The following TCF4 variants were observed in gnomAD, a reference collection of about 807,000 sequenced individuals.
The protein encoded by TCF4 is transcription factor 4.
A neutral mutation model predicts 82.1 loss-of-function variants in TCF4; 3 were observed. The observed-to-expected ratio is 0.04, with a 90% CI of 0.02 to 0.09. The LOEUF is 0.09. TCF4 is among the 10% of genes least tolerant of loss of function. The probability of loss-of-function intolerance (pLI) is 1.00; values close to 1 mark genes in which losing one functional copy is unlikely to be tolerated. For missense variants in TCF4, 518 were observed against 852.7 expected (o/e 0.61, Z 4.89); for synonymous variants, 276 against 309.6 (o/e 0.89, Z 1.14).
intron 5 of TCF4, among the ~76,000 whole-genome samples, chr18:55,410,876 C>T (rs1352726280): frequency 6.6e-6 from 1 of 152,086 alleles, no homozygotes; most frequent in Non-Finnish European, 1.5e-5. Flanking sequence ...TACAGTCCAT[C>T]AAAAACTACC....
intron 15 of TCF4, among the ~76,000 whole-genome samples, chr18:55,238,612 T>C (rs146709364): frequency 4.6e-5 from 7 of 152,286 alleles, no homozygotes; most frequent in African/African-American, 1.7e-4. Context: ...TTATCATAAA[T>C]AGTTTTCTGT....
At position 55,634,130 on chromosome 18, in the gene TCF4, G is replaced by A. The variant is rs185902834; in HGVS notation, c.195+1573C>T. On this transcript the variant is annotated intron_variant, in intron 1 of 20. Transcript: ENST00000398339. ...CTAAAAATACAAAAATTAGCCACGCGTGGTGGCAGGGGCCTGTAATCCCAG... is the reference window on the plus strand; with the variant it reads ...CTAAAAATACAAAAATTAGCCACGCATGGTGGCAGGGGCCTGTAATCCCAG... Among the ~76,000 whole-genome samples the A allele has an allele frequency of 2.0e-3, 297 of 152,152 alleles. 1 individual carries two copies. Among genetic ancestry groups the A allele is most frequent in the African/African-American group, 6.3e-3 (261 of 41,524 alleles).
chr18:55,570,850 C>T (rs1262806235), intron 3 of TCF4, among the ~76,000 whole-genome samples: 1 of 149,764 alleles, frequency 6.7e-6, no homozygotes, highest in Non-Finnish European at 1.5e-5. Context: ...AAACTGCCCT[C>T]CAAGCCTGAG....
chr18:55,253,226 G>C (rs2055778634), intron 15 of TCF4, among the ~76,000 whole-genome samples: 1 of 152,160 alleles, frequency 6.6e-6, no homozygotes, highest in African/African-American at 2.4e-5. Flanking sequence ...CTGAAAGATG[G>C]ACAGGAGAAT....
intron 8 of TCF4, among the ~76,000 whole-genome samples, chr18:55,340,557 C>A (rs1255291008): frequency 7.3e-6 from 1 of 136,456 alleles, no homozygotes; most frequent in Non-Finnish European, 1.5e-5. Context: ...GTACTCCAAC[C>A]TAGGTGACAG....
chr18:55,534,421 G>C (rs1387503007), intron 3 of TCF4, among the ~76,000 whole-genome samples: 1 of 152,214 alleles, frequency 6.6e-6, no homozygotes, highest in Non-Finnish European at 1.5e-5. Flanking sequence ...TACTGAGGAA[G>C]AGACACATAA....
chr18:55,433,846 C>T (rs962497729), intron 5 of TCF4, among the ~76,000 whole-genome samples: 3 of 152,072 alleles, frequency 2.0e-5, no homozygotes, highest in African/African-American at 7.2e-5. Context: ...CACCTTTCTC[C>T]CTGCTTGTGT....
intron 6 of TCF4, among the ~76,000 whole-genome samples, chr18:55,357,206 C>T (rs1444556532): frequency 6.6e-6 from 1 of 152,012 alleles, no homozygotes; most frequent in African/African-American, 2.4e-5. Context: ...ATTCTGGAAT[C>T]CCAGGTCATC....
intron 6 of TCF4, among the ~76,000 whole-genome samples, chr18:55,397,080 T>C (rs2093543579): frequency 6.6e-6 from 1 of 152,304 alleles, no homozygotes; most frequent in Non-Finnish European, 1.5e-5. Flanking sequence ...ATTGCTAAAG[T>C]ATCAATACAA....
intron 3 of TCF4, among the ~76,000 whole-genome samples, chr18:55,528,682 T>C (rs557587660): frequency 4.1e-4 from 62 of 152,340 alleles, no homozygotes; most frequent in South Asian, 1.2e-3. Context: ...CTAGTGTCAT[T>C]AAAGGAAAGC....
chr18:55,461,999 C>G (rs893575066), intron 4 of TCF4, among the ~76,000 whole-genome samples: 2 of 152,116 alleles, frequency 1.3e-5, no homozygotes, highest in East Asian at 1.9e-4. Flanking sequence ...TCATTCTGCT[C>G]AGCTGGTGGA....
intron 9 of TCF4, among the ~76,000 whole-genome samples, chr18:55,278,459 G>C (rs946563835): frequency 2.0e-5 from 3 of 152,220 alleles, no homozygotes; most frequent in African/African-American, 7.2e-5. Context: ...CACATATCAG[G>C]ATGGAGCCCT....
chr18:55,399,208 A>G (rs192737772), intron 6 of TCF4, among the ~76,000 whole-genome samples: 1 of 152,342 alleles, frequency 6.6e-6, no homozygotes. Context: ...TAACAAGACA[A>G]AGAAATCAAT....
At chr18:55,536,117 C>T (rs567429389) in intron 3 of TCF4, among the ~76,000 whole-genome samples, 30 of 152,174 alleles carry the variant, frequency 2.0e-4, no homozygotes, top group African/African-American at 6.0e-4. Context: ...CAAACAATCC[C>T]CTACATTTCA....
chr18:55,297,147 G>GTTTTTT (rs35268463), intron 8 of TCF4, among the ~76,000 whole-genome samples: 2 of 64,246 alleles, frequency 3.1e-5, no homozygotes, highest in Non-Finnish European at 5.8e-5. Flanking sequence ...TTTCTTTGAG[G>GTTTTTT]TTTTTTTTTT....
intron 8 of TCF4, among the ~76,000 whole-genome samples, chr18:55,316,472 T>C (rs1037902003): frequency 1.3e-5 from 2 of 152,078 alleles, no homozygotes; most frequent in African/African-American, 2.4e-5. Context: ...CAAGTAGGCT[T>C]GGAAACACAC....
intron 2 of TCF4, among the ~76,000 whole-genome samples, chr18:55,614,871 A>G (rs889303700): frequency 6.6e-6 from 1 of 152,168 alleles, no homozygotes; most frequent in South Asian, 2.1e-4. Context: ...TATTCTGTCA[A>G]TTTAGCTTTT....
chr18:55,277,491 CA>C (rs2061675546), intron 9 of TCF4, among the ~76,000 whole-genome samples: 1 of 151,974 alleles, frequency 6.6e-6, no homozygotes, highest in South Asian at 2.1e-4. Flanking sequence ...ATGCTTTTCA[CA>C]GTAAATTAAT....
intron 8 of TCF4, among the ~76,000 whole-genome samples, chr18:55,294,209 G>A (rs535133577): frequency 1.4e-4 from 21 of 151,226 alleles, no homozygotes; most frequent in Non-Finnish European, 2.2e-4. Context: ...GCAGTGAGCC[G>A]TGATCGCGCC....
Sources: allele counts gnomAD v4.1 joint callset (sites outside exome capture counted in the v4.1 genomes callset), GRCh38; gene constraint gnomAD v4.1.1; transcripts MANE v1.5; gene names NCBI Gene and HGNC (gene_info 2026-07-23, HGNC 2026-07-21).